The following GPC5 variants were observed in gnomAD, a reference collection of about 807,000 sequenced individuals.
The protein encoded by GPC5 is glypican 5.
A neutral mutation model predicts 53.9 loss-of-function variants in GPC5; 47 were observed. That is an observed-to-expected ratio of 0.87 (90% CI 0.69 to 1.11). The LOEUF (loss-of-function observed/expected upper bound fraction) is 1.11. Ranked by LOEUF, GPC5 falls within the 50% of genes most tolerant of loss-of-function variation. The probability of loss-of-function intolerance (pLI) is 0.00; values close to 1 mark genes in which losing one functional copy is unlikely to be tolerated. For synonymous variants in GPC5, 286 were observed against 263.3 expected (o/e 1.09, Z -0.84); for missense variants, 748 against 713.1 (o/e 1.05, Z -0.56).
intron 7 of GPC5, among the ~76,000 whole-genome samples, chr13:92,204,237 A>G (rs1386380936): frequency 1.3e-5 from 2 of 152,238 alleles, no homozygotes; most frequent in East Asian, 3.8e-4. Flanking sequence ...GGATAAATCT[A>G]TAAGTAATTG....
intron 7 of GPC5, among the ~76,000 whole-genome samples, chr13:92,147,897 T>C (rs1227599699): frequency 6.6e-6 from 1 of 152,066 alleles, no homozygotes; most frequent in East Asian, 1.9e-4. Flanking sequence ...AGCACTCTAG[T>C]ATTTTGCCCG....
At chr13:92,744,873 C>G (rs1740915175) in intron 7 of GPC5, among the ~76,000 whole-genome samples, 1 of 151,922 alleles carries the variant, frequency 6.6e-6, no homozygotes, top group Admixed American at 6.6e-5. Context: ...GATAGGTAGA[C>G]AGAGATACCC....
At chr13:91,781,320 A>G (rs748011041) in intron 5 of GPC5, among the ~76,000 whole-genome samples, 9 of 152,224 alleles carry the variant, frequency 5.9e-5, no homozygotes, top group Non-Finnish European at 1.2e-4. Flanking sequence ...TCAACAAAAC[A>G]CATGCTATAC....
intron 7 of GPC5, among the ~76,000 whole-genome samples, chr13:92,798,583 A>G (rs1483398428): frequency 6.6e-6 from 1 of 151,872 alleles, no homozygotes; most frequent in Admixed American, 6.6e-5. Flanking sequence ...AGGCATTCAG[A>G]TAGGAATATT....
At chr13:92,455,655 A>T (rs1432140301) in intron 7 of GPC5, among the ~76,000 whole-genome samples, 1 of 152,186 alleles carries the variant, frequency 6.6e-6, no homozygotes, top group Non-Finnish European at 1.5e-5. Flanking sequence ...AAATTCTGAG[A>T]TTCTTAAAAA....
chr13:92,286,460 C>T (rs1000669996), intron 7 of GPC5, among the ~76,000 whole-genome samples: 1 of 152,014 alleles, frequency 6.6e-6, no homozygotes, highest in African/African-American at 2.4e-5. Context: ...GCACTATTCA[C>T]AATAGCAAAG....
chr13:91,886,840 C>T (rs1357012369), intron 5 of GPC5, among the ~76,000 whole-genome samples: 1 of 152,194 alleles, frequency 6.6e-6, no homozygotes, highest in Non-Finnish European at 1.5e-5. Flanking sequence ...TGTGGGTTTG[C>T]AGGGTACAGC....
chr13:91,972,541 G>C (rs1219204354), intron 6 of GPC5, among the ~76,000 whole-genome samples: 2 of 152,164 alleles, frequency 1.3e-5, no homozygotes, highest in Non-Finnish European at 2.9e-5. Flanking sequence ...CTTGTTAGTT[G>C]ATACAGTTTC....
chr13:92,733,566 T>C (rs1180605915), intron 7 of GPC5, among the ~76,000 whole-genome samples: 1 of 151,746 alleles, frequency 6.6e-6, no homozygotes, highest in Non-Finnish European at 1.5e-5. Context: ...GAAAATTAAA[T>C]GCAAGAAATA....
intron 7 of GPC5, among the ~76,000 whole-genome samples, chr13:92,295,635 C>T (rs556960289): frequency 6.6e-6 from 1 of 152,250 alleles, no homozygotes; most frequent in Admixed American, 6.5e-5. Flanking sequence ...ATCTTGGGAG[C>T]TCCAGTATTA....
rs766037396 is a variant in GPC5 at position 91,448,908 on chromosome 13, C to T, written c.311C>T (p.Ala104Val). 225 of 1,612,484 alleles carry T rather than the reference C, an allele frequency of 1.4e-4. 1 individual carries two copies. Among genetic ancestry groups the T allele is most frequent in the Middle Eastern group, 3.3e-4 (2 of 6,068 alleles). ...STLKFLISRNAAAFQETLETL... is the reference protein window; with the variant it reads ...STLKFLISRNVAAFQETLETL... The stretch of plus-strand genomic sequence containing the variant: ...TTAAAGTTTCTAATATCTCGAAATG[C>T]GGCTGCTTTTCAAGGTAAGTGGATC... Residue 104 changes from alanine to valine, a missense_variant, in exon 2 of 8, where the codon GCG becomes GTG. Transcript: ENST00000377067.
At chr13:91,962,781 T>C (rs2040138060) in intron 6 of GPC5, among the ~76,000 whole-genome samples, 2 of 152,304 alleles carry the variant, frequency 1.3e-5, no homozygotes, top group East Asian at 1.9e-4. Context: ...TGAAAGCAGG[T>C]TGAGAAATGA....
At chr13:92,300,121 G>A (rs1194443147) in intron 7 of GPC5, among the ~76,000 whole-genome samples, 1 of 152,090 alleles carries the variant, frequency 6.6e-6, no homozygotes, top group Non-Finnish European at 1.5e-5. Context: ...TCCGAACACA[G>A]GTTTTCTAGA....
At chr13:92,284,725 G>A (rs2042941329) in intron 7 of GPC5, among the ~76,000 whole-genome samples, 2 of 152,136 alleles carry the variant, frequency 1.3e-5, no homozygotes, top group South Asian at 4.2e-4. Flanking sequence ...CAAATTAGGT[G>A]TTGATGAGAA....
intron 2 of GPC5, among the ~76,000 whole-genome samples, chr13:91,450,635 C>T (rs949975018): frequency 1.3e-5 from 2 of 152,100 alleles, no homozygotes; most frequent in Non-Finnish European, 2.9e-5. Context: ...TTAAGGAGAT[C>T]GTCTCTATTG....
intron 7 of GPC5, among the ~76,000 whole-genome samples, chr13:92,776,746 A>G (rs927763751): frequency 6.6e-5 from 10 of 152,270 alleles, no homozygotes; most frequent in Admixed American, 2.0e-4. Context: ...ATGTCATGCT[A>G]TAACAGACTA....
intron 3 of GPC5, among the ~76,000 whole-genome samples, chr13:91,698,856 G>A (rs961719322): frequency 1.3e-5 from 2 of 152,230 alleles, no homozygotes; most frequent in Non-Finnish European, 2.9e-5. Flanking sequence ...TCACCTTCTC[G>A]TGGTCATGAC....
chr13:91,906,036 C>A (rs140680886), intron 5 of GPC5, among the ~76,000 whole-genome samples: 1 of 151,952 alleles, frequency 6.6e-6, no homozygotes, highest in Non-Finnish European at 1.5e-5. Flanking sequence ...TCCCTCACCC[C>A]CCCTGCCAAC....
At chr13:91,776,434 TTAGAG>T (rs754965152) in intron 5 of GPC5, among the ~76,000 whole-genome samples, 2 of 152,224 alleles carry the variant, frequency 1.3e-5, no homozygotes, top group Admixed American at 6.5e-5. Context: ...GTCTAGTTAA[TTAGAG>T]TAGAGAACAT....
Sources: gnomAD v4.1 joint callset for allele counts (sites outside exome capture counted in the v4.1 genomes callset) on GRCh38, gnomAD v4.1.1 for gene constraint, MANE v1.5 for transcripts, NCBI Gene and HGNC (gene_info 2026-07-23, HGNC 2026-07-21) for gene names.